The following SGCD variants were observed in gnomAD, a reference collection of about 807,000 sequenced individuals.
SGCD encodes sarcoglycan delta.
SGCD carries 18 observed loss-of-function variants against 36.6 expected under a neutral mutation model. The observed-to-expected ratio is 0.49, with a 90% CI of 0.34 to 0.73. The LOEUF (loss-of-function observed/expected upper bound fraction) is 0.73. Ranked by LOEUF, SGCD falls within the 30% of genes least tolerant of loss-of-function variation. The probability of loss-of-function intolerance (pLI) is 0.01; values close to 1 mark genes in which losing one functional copy is unlikely to be tolerated. For missense variants in SGCD, 387 were observed against 346.7 expected, an observed-to-expected ratio of 1.12 and a Z score of -0.92; for synonymous variants, 133 against 130.6, an observed-to-expected ratio of 1.02 and a Z score of -0.12.
intron 3 of SGCD, among the ~76,000 whole-genome samples, chr5:156,349,488 A>G (rs575625415): frequency 6.6e-6 from 1 of 152,134 alleles, no homozygotes; most frequent in Non-Finnish European, 1.5e-5. Context: ...CAAGAAACAT[A>G]AAAAAAGTAC....
chr5:155,797,963 G>C, the SGCD span, among the ~76,000 whole-genome samples: 4 of 152,128 alleles, frequency 2.6e-5, no homozygotes, highest in African/African-American at 9.7e-5. Context: ...GACATGACCT[G>C]GAGAAAAAGT....
chr5:155,870,948 C>T (rs1755643559), intron 1 of SGCD, among the ~76,000 whole-genome samples: 1 of 152,086 alleles, frequency 6.6e-6, no homozygotes, highest in South Asian at 2.1e-4. Flanking sequence ...GCAAATTACT[C>T]AAGATGAAAA....
the SGCD span, among the ~76,000 whole-genome samples, chr5:155,793,402 T>C: frequency 6.6e-6 from 1 of 151,966 alleles, no homozygotes; most frequent in East Asian, 1.9e-4. Context: ...AAATAATAAT[T>C]ACAAACAATC....
intron 7 of SGCD, among the ~76,000 whole-genome samples, chr5:156,722,984 A>G (rs1301178090): frequency 1.3e-5 from 2 of 152,216 alleles, no homozygotes; most frequent in Non-Finnish European, 2.9e-5. Flanking sequence ...AGCTTTTTGT[A>G]TAATCTTTGC....
chr5:156,583,684 A>C (rs779194272), intron 4 of SGCD, among the ~76,000 whole-genome samples: 18 of 152,206 alleles, frequency 1.2e-4, no homozygotes, highest in Non-Finnish European at 2.5e-4. Flanking sequence ...GGGTAGATAG[A>C]CTTACCAGAT....
At chr5:156,516,136 G>A (rs1486272247) in intron 4 of SGCD, among the ~76,000 whole-genome samples, 1 of 152,232 alleles carries the variant, frequency 6.6e-6, no homozygotes, top group East Asian at 1.9e-4. Context: ...GGATTCCCCT[G>A]AGCACAAAAC....
chr5:155,837,536 A>G, the SGCD span, among the ~76,000 whole-genome samples: 1 of 152,226 alleles, frequency 6.6e-6, no homozygotes, highest in African/African-American at 2.4e-5. Context: ...GGCACCATAA[A>G]GCATTTCTGT....
At chr5:155,857,500 T>C in the SGCD span, among the ~76,000 whole-genome samples, 2 of 152,192 alleles carry the variant, frequency 1.3e-5, no homozygotes, top group African/African-American at 4.8e-5. Context: ...GATGAATCTC[T>C]AAACAATTGT....
At chr5:156,601,955 G>T (rs1034994705) in intron 6 of SGCD, among the ~76,000 whole-genome samples, 17 of 152,150 alleles carry the variant, frequency 1.1e-4, no homozygotes, top group African/African-American at 4.1e-4. Context: ...TGCTGGGATT[G>T]CAGGTGTGAG....
At chr5:156,170,628 C>G (rs140055989) in intron 3 of SGCD, among the ~76,000 whole-genome samples, 1 of 152,138 alleles carries the variant, frequency 6.6e-6, no homozygotes, top group East Asian at 1.9e-4. Context: ...CAAAGGGTGC[C>G]GGGAAGCCTA....
chr5:155,885,634 G>T (rs1229606900), intron 1 of SGCD, among the ~76,000 whole-genome samples: 2 of 152,206 alleles, frequency 1.3e-5, no homozygotes, highest in Non-Finnish European at 2.9e-5. Context: ...AGGAGAACTT[G>T]AATATGTGTT....
chr5:156,076,296 A>T, intron 1 of SGCD, among the ~76,000 whole-genome samples: 1 of 150,450 alleles, frequency 6.6e-6, no homozygotes, highest in African/African-American at 2.4e-5. Flanking sequence ...TTCCTTTTTC[A>T]CTGCTATTTT....
At chr5:155,729,145 T>C in the SGCD span, among the ~76,000 whole-genome samples, 1 of 152,232 alleles carries the variant, frequency 6.6e-6, no homozygotes, top group African/African-American at 2.4e-5. Flanking sequence ...CGCGGGGGTT[T>C]CCCCAGTTCC....
chr5:156,445,811 C>T (rs866959247), intron 3 of SGCD, among the ~76,000 whole-genome samples: 4 of 152,114 alleles, frequency 2.6e-5, no homozygotes, highest in Admixed American at 6.6e-5. Flanking sequence ...CACACACACA[C>T]GCACATGCAC....
At chr5:156,340,567 A>G (rs1238451377) in intron 2 of SGCD, among the ~76,000 whole-genome samples, 1 of 152,254 alleles carries the variant, frequency 6.6e-6, no homozygotes, top group Admixed American at 6.5e-5. Context: ...TCCAAAATGC[A>G]TGTAAATCCT....
chr5:156,105,672 T>C (rs1293619882), intron 1 of SGCD, among the ~76,000 whole-genome samples: 1 of 152,164 alleles, frequency 6.6e-6, no homozygotes, highest in Admixed American at 6.5e-5. Flanking sequence ...TGTAATCAAG[T>C]AAATTATTCC....
At chr5:156,463,263 C>T (rs1421285895) in intron 3 of SGCD, among the ~76,000 whole-genome samples, 5 of 152,014 alleles carry the variant, frequency 3.3e-5, no homozygotes, top group African/African-American at 9.7e-5. Context: ...AGGATGGTCT[C>T]GATCTCCTGA....
chr5:156,307,319 G>A (rs1275315011), intron 3 of SGCD, among the ~76,000 whole-genome samples: 1 of 152,120 alleles, frequency 6.6e-6, no homozygotes, highest in Non-Finnish European at 1.5e-5. Flanking sequence ...GTGCTGCACA[G>A]ATGTGAGCCA....
the SGCD span, among the ~76,000 whole-genome samples, chr5:155,735,050 A>T: frequency 2.0e-5 from 3 of 152,242 alleles, no homozygotes; most frequent in Admixed American, 2.0e-4. Context: ...TGCCTGACAT[A>T]TAGAAACCTC....
Sources: gnomAD v4.1 joint callset for allele counts (sites outside exome capture counted in the v4.1 genomes callset) on GRCh38, gnomAD v4.1.1 for gene constraint, MANE v1.5 for transcripts, NCBI Gene and HGNC (gene_info 2026-07-23, HGNC 2026-07-21) for gene names.